The following LRP1B variants were observed in gnomAD, a reference collection of about 807,000 sequenced individuals.
LRP1B encodes low-density lipoprotein receptor-related protein 1B.
A neutral mutation model predicts 556.6 loss-of-function variants in LRP1B; 217 were observed. The observed-to-expected ratio is 0.39, with a 90% CI of 0.35 to 0.44. The LOEUF is 0.44. LRP1B is among the 20% of genes least tolerant of loss of function. The pLI is 1.00. For missense variants in LRP1B, 5,053 were observed against 5,620.8 expected, an observed-to-expected ratio of 0.90 and a Z score of 3.23; for synonymous variants, 2,047 against 1,865.8, an observed-to-expected ratio of 1.10 and a Z score of -2.50.
At chr2:141,714,844 T>A (rs1692516090) in intron 2 of LRP1B, among the ~76,000 whole-genome samples, 1 of 152,170 alleles carries the variant, frequency 6.6e-6, no homozygotes, top group African/African-American at 2.4e-5. Flanking sequence ...TGCAGAATAA[T>A]GGGATGGGTT....
intron 45 of LRP1B, among the ~76,000 whole-genome samples, chr2:140,538,405 TCCATGGTTG>T (rs1429631023): frequency 6.6e-6 from 1 of 152,040 alleles, no homozygotes; most frequent in Non-Finnish European, 1.5e-5. Flanking sequence ...GATCCAGGTG[TCCATGGTTG>T]CCATCTTTAT....
At chr2:140,494,090 T>A (rs1242593390) in intron 56 of LRP1B, among the ~76,000 whole-genome samples, 2 of 152,214 alleles carry the variant, frequency 1.3e-5, no homozygotes, top group Non-Finnish European at 2.9e-5. Context: ...ATCTCTGTAG[T>A]GCAAGATTTA....
chr2:141,018,562 T>C (rs1229349381), intron 12 of LRP1B, among the ~76,000 whole-genome samples: 2 of 152,094 alleles, frequency 1.3e-5, no homozygotes, highest in South Asian at 2.1e-4. Flanking sequence ...TGAATTTTCT[T>C]CTAAATTATA....
chr2:141,932,042 G>A (rs924009756), intron 1 of LRP1B, among the ~76,000 whole-genome samples: 12 of 151,914 alleles, frequency 7.9e-5, no homozygotes, highest in African/African-American at 2.7e-4. Context: ...CACAGCAGGT[G>A]GACTAGATTA....
chr2:141,436,144 G>A (rs1468075975), intron 3 of LRP1B, among the ~76,000 whole-genome samples: 2 of 152,118 alleles, frequency 1.3e-5, no homozygotes, highest in Non-Finnish European at 2.9e-5. Flanking sequence ...GGCAAAAATT[G>A]TATACATTCA....
intron 1 of LRP1B, among the ~76,000 whole-genome samples, chr2:141,972,169 G>A (rs1288302580): frequency 1.3e-5 from 2 of 151,538 alleles, no homozygotes; most frequent in Non-Finnish European, 3.0e-5. Flanking sequence ...TAGTGGTTAA[G>A]TAGTTTTATT....
At chr2:140,740,138 A>T (rs180885091) in intron 35 of LRP1B, among the ~76,000 whole-genome samples, 1 of 152,266 alleles carries the variant, frequency 6.6e-6, no homozygotes, top group Non-Finnish European at 1.5e-5. Context: ...ACTAAGTAGA[A>T]CTACCATCTG....
chr2:140,295,298 T>C (rs1346014354), intron 84 of LRP1B, among the ~76,000 whole-genome samples: 2 of 152,170 alleles, frequency 1.3e-5, no homozygotes, highest in African/African-American at 4.8e-5. Context: ...AAAAGGAACA[T>C]TGGCCTAGGG....
intron 31 of LRP1B, among the ~76,000 whole-genome samples, chr2:140,828,410 C>A (rs1573772742): frequency 6.7e-6 from 1 of 149,356 alleles, no homozygotes; most frequent in Non-Finnish European, 1.5e-5. Flanking sequence ...GAGATCGAGA[C>A]CATCCTGGCT....
intron 41 of LRP1B, among the ~76,000 whole-genome samples, chr2:140,651,825 G>T (rs921294561): frequency 5.9e-5 from 9 of 152,088 alleles, no homozygotes; most frequent in Non-Finnish European, 1.0e-4. Flanking sequence ...AACAGCAAAT[G>T]ATATACTTTG....
intron 35 of LRP1B, among the ~76,000 whole-genome samples, chr2:140,737,028 T>C (rs781148497): frequency 2.6e-5 from 4 of 152,054 alleles, no homozygotes; most frequent in Non-Finnish European, 4.4e-5. Context: ...AAGAGTGCTG[T>C]TTAACATCTA....
intron 89 of LRP1B, among the ~76,000 whole-genome samples, chr2:140,235,098 T>C (rs1286970841): frequency 1.3e-5 from 2 of 151,164 alleles, no homozygotes; most frequent in African/African-American, 4.8e-5. Flanking sequence ...GGATCTTTGC[T>C]TCATAGGTAG....
intron 7 of LRP1B, among the ~76,000 whole-genome samples, chr2:141,091,866 C>T (rs1700179790): frequency 6.6e-6 from 1 of 152,174 alleles, no homozygotes; most frequent in Non-Finnish European, 1.5e-5. Context: ...GTAGGAGGTA[C>T]TTCTTACAGT....
At chr2:141,305,193 A>G (rs1437125693) in intron 3 of LRP1B, among the ~76,000 whole-genome samples, 4 of 152,214 alleles carry the variant, frequency 2.6e-5, no homozygotes, top group African/African-American at 9.6e-5. Flanking sequence ...CATTTTAAAA[A>G]TATTAATTCT....
intron 1 of LRP1B, among the ~76,000 whole-genome samples, chr2:141,951,497 G>A (rs1466012450): frequency 6.6e-6 from 1 of 152,044 alleles, no homozygotes; most frequent in Non-Finnish European, 1.5e-5. Flanking sequence ...TTTGCCTGTC[G>A]TTGCCACAAA....
intron 89 of LRP1B, 109 bp downstream of exon 89, chr2:140,238,043 T>C: frequency 1.0e-6 from 1 of 954,496 alleles, no homozygotes; most frequent in East Asian, 2.6e-5. Flanking sequence ...CTAAAGTCCC[T>C]TATTCTAACT....
intron 1 of LRP1B, among the ~76,000 whole-genome samples, chr2:142,061,791 C>A (rs186863169): frequency 1.6e-3 from 250 of 152,022 alleles, no homozygotes; most frequent in African/African-American, 5.8e-3. Flanking sequence ...AAACTCATTT[C>A]ATTTCGTCTG....
chr2:141,042,280 T>C (rs1329593345), intron 11 of LRP1B, among the ~76,000 whole-genome samples: 1 of 152,056 alleles, frequency 6.6e-6, no homozygotes, highest in Admixed American at 6.6e-5. Context: ...TCAACAGGCA[T>C]GCTTATTGTT....
At chr2:141,884,546 T>A (rs1699052126) in intron 1 of LRP1B, among the ~76,000 whole-genome samples, 1 of 152,172 alleles carries the variant, frequency 6.6e-6, no homozygotes, top group Non-Finnish European at 1.5e-5. Flanking sequence ...TATTATCCCT[T>A]TTGTCCTTTC....
Sources: gnomAD v4.1 joint callset for allele counts (sites outside exome capture counted in the v4.1 genomes callset) on GRCh38, gnomAD v4.1.1 for gene constraint, MANE v1.5 for transcripts, NCBI Gene and HGNC (gene_info 2026-07-23, HGNC 2026-07-21) for gene names.